DCAF1: variants seen among roughly 807,000 people sequenced by gnomAD.
DCAF1 encodes DDB1 and CUL4 associated factor 1.
Under a neutral mutation model 128.0 loss-of-function variants are expected in DCAF1, and 15 were observed. The ratio of observed to expected loss-of-function variants is 0.12; its 90% CI spans 0.08 to 0.18. The LOEUF (loss-of-function observed/expected upper bound fraction) is 0.18. Among genes scored for constraint, DCAF1 ranks in the 10% least tolerant of loss-of-function variants. The pLI is 1.00. For synonymous variants in DCAF1, 610 were observed against 603.0 expected (o/e 1.01, Z -0.17); for missense variants, 988 against 1,649.5 (o/e 0.60, Z 6.95).
intron 6 of DCAF1, among the ~76,000 whole-genome samples, chr3:51,448,103 A>T (rs188521116): frequency 6.6e-6 from 1 of 152,128 alleles, no homozygotes; most frequent in African/African-American, 2.4e-5. Flanking sequence ...TCTCTTTGGT[A>T]ATCTTCACTG....
At chr3:51,435,190 C>A (rs1663638942) in intron 9 of DCAF1, among the ~76,000 whole-genome samples, 1 of 152,226 alleles carries the variant, frequency 6.6e-6, no homozygotes, top group African/African-American at 2.4e-5. Context: ...AACTGTGTGA[C>A]ACCCATTATA....
At chr3:51,446,987 T>TAA (rs1701926672) in intron 6 of DCAF1, among the ~76,000 whole-genome samples, 2 of 147,362 alleles carry the variant, frequency 1.4e-5, no homozygotes, top group African/African-American at 2.5e-5. Context: ...ATAATAATAA[T>TAA]AATAATAATA....
chr3:51,470,481 C>A (rs1553648046), intron 4 of DCAF1, among the ~76,000 whole-genome samples: 1 of 151,970 alleles, frequency 6.6e-6, no homozygotes, highest in Non-Finnish European at 1.5e-5. Context: ...GTGGGAGGAT[C>A]GTTTGAGCCA....
intron 2 of DCAF1, among the ~76,000 whole-genome samples, chr3:51,494,643 A>AT (rs57917528): frequency 0.038 from 5,806 of 152,226 alleles, 393 homozygotes; most frequent in African/African-American, 0.13. Context: ...TAAAGACATG[A>AT]TTTTTTAAAA....
At chr3:51,413,924 G>A in intron 20 of DCAF1, 26 bp downstream of exon 20, 1 of 1,471,564 alleles carries the variant, frequency 6.8e-7, no homozygotes, top group Non-Finnish European at 9.0e-7. Flanking sequence ...AAAGGAAAGA[G>A]AATAATGAAG....
intron 9 of DCAF1, chr3:51,437,486 G>A (rs970178704): frequency 4.7e-6 from 2 of 424,550 alleles, no homozygotes; most frequent in African/African-American, 4.1e-5. Flanking sequence ...GGTAACTACT[G>A]AGAGATGAGG....
At chr3:51,461,394 T>C (rs1703548086) in intron 6 of DCAF1, among the ~76,000 whole-genome samples, 1 of 152,146 alleles carries the variant, frequency 6.6e-6, no homozygotes, top group African/African-American at 2.4e-5. Context: ...ATGGCAATCA[T>C]TAAAAAGTCA....
At chr3:51,432,268 A>G in intron 10 of DCAF1, among the ~76,000 whole-genome samples, 1 of 1,290 alleles carries the variant, frequency 7.8e-4, no homozygotes, top group East Asian at 0.029. Flanking sequence ...AAGATTCTGT[A>G]AAAAAAAAAA....
At position 51,441,882 on chromosome 3, in the gene DCAF1, G is replaced by C; in HGVS notation, c.529C>G (p.Arg177Gly). The change falls in exon 8 of 25, where the codon CGA becomes GGA. Residue 177 changes from arginine to glycine, a missense_variant. By Grantham distance (125) the Arg-to-Gly change is moderately radical (BLOSUM62 -2). Coordinates refer to ENST00000684031, the MANE Select transcript of DCAF1 (RefSeq NM_001387579.1). ...ENSQLVAIVL[R>G]RLRELQLQEV... ...TGTAGCTGTAGCTCCCTCAGTCTTCGAAGCACTATTGCCACCTATCAACAG... is the reference window on the plus strand; with the variant it reads ...TGTAGCTGTAGCTCCCTCAGTCTTCCAAGCACTATTGCCACCTATCAACAG... 3 of 1,606,358 alleles carry C rather than the reference G, an allele frequency of 1.9e-6. No homozygotes were observed. Among genetic ancestry groups the C allele is most frequent in the Non-Finnish European group, 2.5e-6 (3 of 1,178,952 alleles).
chr3:51,472,597 C>G (rs181685700), intron 3 of DCAF1, among the ~76,000 whole-genome samples: 35 of 152,156 alleles, frequency 2.3e-4, no homozygotes, highest in African/African-American at 8.4e-4. Context: ...CTTTTTACAT[C>G]TAACTTTCAC....
chr3:51,453,561 G>A (rs1702567522), intron 6 of DCAF1, among the ~76,000 whole-genome samples: 1 of 152,060 alleles, frequency 6.6e-6, no homozygotes, highest in Non-Finnish European at 1.5e-5. Flanking sequence ...GAGACAAGGA[G>A]GTCAAGGCTG....
intron 10 of DCAF1, among the ~76,000 whole-genome samples, chr3:51,432,758 C>G (rs1700502679): frequency 6.6e-6 from 1 of 152,178 alleles, no homozygotes; most frequent in African/African-American, 2.4e-5. Flanking sequence ...TGCGCCCGGC[C>G]TGTTGTTTTT....
At chr3:51,505,155 T>C in the DCAF1 span, among the ~76,000 whole-genome samples, 1 of 151,640 alleles carries the variant, frequency 6.6e-6, no homozygotes, top group Non-Finnish European at 1.5e-5. Flanking sequence ...TCCCAGCTAC[T>C]CAGGAGCCTG....
Position 51,422,328 on chromosome 3 carries a change from C to T in DCAF1, c.1951G>A (p.Gly651Arg). 1 of 766,414 alleles carries T rather than the reference C, an allele frequency of 1.3e-6. No individual in the cohort carries two copies. 47.5% of individuals were successfully genotyped at this position (766,414 alleles called of 1,614,324 possible). A position where few individuals can be genotyped will look rare whatever the true frequency, so the allele number is the denominator to read the frequency against. The change falls in exon 14 of 25, where the codon GGA becomes AGA. Residue 651 changes from glycine to arginine, a missense_variant. This residue lies in a region of DCAF1 where 185 missense variants were observed against 248.1 expected (regional missense o/e 0.75). Transcript: ENST00000684031. ...CTACCTACAGTAGAGACTGTAGATC[C>T]AGCCTCATCCAACACGTCCACTGAT... ...AESVDVLDEA[G>R]STVSTVGISI...
intron 24 of DCAF1, among the ~76,000 whole-genome samples, chr3:51,402,565 C>CGTT (rs2089788768): frequency 2.2e-5 from 1 of 44,588 alleles, no homozygotes; most frequent in African/African-American, 6.7e-5. Flanking sequence ...CCCTACAAAG[C>CGTT]ATTTTTTTTT....
intron 2 of DCAF1, among the ~76,000 whole-genome samples, chr3:51,495,796 T>C (rs1708172559): frequency 6.6e-6 from 1 of 152,142 alleles, no homozygotes; most frequent in African/African-American, 2.4e-5. Flanking sequence ...GTTTGTTTTT[T>C]GTTTTGTGAG....
At chr3:51,414,561 A>C (rs1378910727) in intron 19 of DCAF1, 63 bp downstream of exon 19, 1 of 1,582,552 alleles carries the variant, frequency 6.3e-7, no homozygotes, top group Non-Finnish European at 8.6e-7. Context: ...AAGATAGAAC[A>C]AATTATTTCT....
At position 51,424,816 on chromosome 3, in the gene DCAF1, G is replaced by A. The variant is rs1699761368; in HGVS notation, c.1848-2385C>T. 1.3e-5 allele frequency among the ~76,000 whole-genome samples: 2 copies of A among 152,234 alleles called. 1 individual carries two copies. Among genetic ancestry groups the A allele is most frequent in the African/African-American group, 4.8e-5 (2 of 41,546 alleles). On this transcript the variant is annotated intron_variant, in intron 13 of 24. Coordinates refer to ENST00000684031, the MANE Select transcript of DCAF1 (RefSeq NM_001387579.1). ...TGACGTTATTATTTATGAACACACA[G>A]ATATATATAGTATAAAAACATGAGT...
chr3:51,465,158 C>G (rs1246696346), intron 5 of DCAF1, among the ~76,000 whole-genome samples: 2 of 152,112 alleles, frequency 1.3e-5, no homozygotes, highest in African/African-American at 2.4e-5. Flanking sequence ...GTGACAAGAA[C>G]AGAACTGGAG....
Sources: gnomAD v4.1 joint callset for allele counts (sites outside exome capture counted in the v4.1 genomes callset) on GRCh38, gnomAD v4.1.1 for gene constraint, gnomAD v4.1.1 regional missense constraint, MANE v1.5 for transcripts, NCBI Gene and HGNC (gene_info 2026-07-23, HGNC 2026-07-21) for gene names.